Variants in GRIP1 observed in about 807,000 individuals in gnomAD.
GRIP1 encodes glutamate receptor interacting protein 1.
A neutral mutation model predicts 129.9 loss-of-function variants in GRIP1; 45 were observed. The ratio of observed to expected loss-of-function variants is 0.35; its 90% CI spans 0.27 to 0.44. The LOEUF is 0.44. GRIP1 is among the 20% of genes least tolerant of loss of function. GRIP1 has a pLI of 1.00. For missense variants in GRIP1, 1,196 were observed against 1,396.8 expected (o/e 0.86, Z 2.29); for synonymous variants, 530 against 520.8 (o/e 1.02, Z -0.24).
chr12:66,731,493 A>C (rs1432263116), intron 1 of GRIP1, among the ~76,000 whole-genome samples: 2 of 152,208 alleles, frequency 1.3e-5, no homozygotes, highest in Non-Finnish European at 2.9e-5. Flanking sequence ...TTGTCCAATG[A>C]GACCTGTTTA....
At chr12:67,035,733 T>C (rs1429752120) in intron 1 of GRIP1, 1 of 152,106 alleles carries the variant, frequency 6.6e-6, no homozygotes, top group Non-Finnish European at 1.5e-5. Context: ...CACTTGGAAA[T>C]TGGAAACTAA....
chr12:66,527,493 G>A (rs985985324), intron 5 of GRIP1, among the ~76,000 whole-genome samples: 1 of 151,838 alleles, frequency 6.6e-6, no homozygotes. Flanking sequence ...ATGGACACAG[G>A]AAGGGGAACA....
At chr12:67,010,217 T>G (rs75907573) in intron 1 of GRIP1, among the ~76,000 whole-genome samples, 4,936 of 152,140 alleles carry the variant, frequency 0.032, 96 homozygotes, top group Non-Finnish European at 0.047. Context: ...AGAAAAAAAT[T>G]TAAATGAATG....
In GRIP1 at chr12:66,372,918, G is replaced by C. The variant is rs557909586; in HGVS notation, c.2779-991C>G. ...CATTGGTAAATCTTCCTGATACCAT[G>C]GGGACAGAAAACAAGTTCCATTTGC... On this transcript the variant is annotated intron_variant, in intron 22 of 24. Transcript: ENST00000359742. Among the ~76,000 whole-genome samples, 4 of 152,218 alleles carry C rather than the reference G, an allele frequency of 2.6e-5. No individual in the cohort carries two copies. In the East Asian group the frequency reaches 5.8e-4, roughly 22 times the overall value.
chr12:66,617,133 G>A (rs532823430), intron 1 of GRIP1, among the ~76,000 whole-genome samples: 11 of 149,382 alleles, frequency 7.4e-5, no homozygotes, highest in Admixed American at 1.3e-4. Context: ...GTGTCTGCAC[G>A]TGTGTAGATG....
At chr12:66,737,820 A>T (rs1402939582) in intron 1 of GRIP1, among the ~76,000 whole-genome samples, 2 of 152,200 alleles carry the variant, frequency 1.3e-5, no homozygotes, top group Non-Finnish European at 2.9e-5. Context: ...CACAAGGAAT[A>T]AGGCAGACCG....
Position 66,371,783 on chromosome 12 carries a change from A to G in GRIP1, c.2923T>C (p.Ser975Pro). The G allele has an allele frequency of 6.2e-7, 1 of 1,614,030 alleles. No individual in the cohort carries two copies. Among genetic ancestry groups the G allele is most frequent in the Non-Finnish European group, 8.5e-7 (1 of 1,179,930 alleles). The change falls in exon 23 of 25, where the codon TCA becomes CCA. Residue 975 changes from serine (S) to proline (P), a missense_variant. Transcript: ENST00000359742. ...GTTACTGACTTCCTACCCACATCTG[A>G]AGGCAGGGTGTTGCTCCGAGTTGTT... ...SQTTRSNTLP[S>P]DVGRKSVTLR...
chr12:66,852,548 G>A (rs1041937212), intron 1 of GRIP1, among the ~76,000 whole-genome samples: 4 of 143,476 alleles, frequency 2.8e-5, no homozygotes, highest in African/African-American at 1.0e-4. Context: ...ATGTATATAT[G>A]TATATGTATA....
chr12:66,681,474 C>T (rs573366415), upstream of GRIP1, among the ~76,000 whole-genome samples: 13 of 152,086 alleles, frequency 8.5e-5, no homozygotes, highest in Non-Finnish European at 1.8e-4. Flanking sequence ...CCAAGGCAAC[C>T]GGTGGAATGT....
chr12:66,503,958 C>T (rs1391445472), intron 7 of GRIP1, among the ~76,000 whole-genome samples: 1 of 152,102 alleles, frequency 6.6e-6, no homozygotes, highest in Admixed American at 6.6e-5. Context: ...TGTCTTGGAG[C>T]TAGGCTGGCT....
intron 1 of GRIP1, among the ~76,000 whole-genome samples, chr12:67,066,445 T>C (rs969325553): frequency 2.0e-5 from 3 of 152,176 alleles, no homozygotes; most frequent in Admixed American, 6.5e-5. Flanking sequence ...GAAAAAAATG[T>C]TATGCTAGAG....
At chr12:66,371,997 A>G in intron 22 of GRIP1, 70 bp from the exon 23 acceptor site, 1 of 989,110 alleles carries the variant, frequency 1.0e-6, no homozygotes, top group African/African-American at 1.6e-5. Flanking sequence ...CTCAACAGTA[A>G]GCACATTTCT....
At chr12:66,353,103 G>A (rs1200327046) in intron 24 of GRIP1, among the ~76,000 whole-genome samples, 1 of 152,096 alleles carries the variant, frequency 6.6e-6, no homozygotes, top group Admixed American at 6.6e-5. Context: ...GGATAACTAC[G>A]TCATATTTAT....
chr12:66,871,695 G>A lies in GRIP1; in HGVS notation c.58+197355C>T, dbSNP rs1159115460. 2.6e-5 allele frequency among the ~76,000 whole-genome samples: 4 copies of A among 152,080 alleles called. No homozygotes were observed. In the East Asian group the frequency reaches 7.8e-4, roughly 30 times the overall value. ...TGCCTACTCCATGCTCAGCCTAAAGGGTAAAGACTGCAGAGTTAAGCTGAT... is the reference window on the plus strand; with the variant it reads ...TGCCTACTCCATGCTCAGCCTAAAGAGTAAAGACTGCAGAGTTAAGCTGAT... On this transcript the variant is annotated intron_variant, in intron 1 of 1. Transcript: ENST00000643019.
chr12:66,439,821 C>T, intron 13 of GRIP1, among the ~76,000 whole-genome samples: 1 of 152,180 alleles, frequency 6.6e-6, no homozygotes, highest in East Asian at 1.9e-4. Flanking sequence ...GTTGAACCTT[C>T]TCTGGAAACC....
chr12:66,605,050 C>G (rs55743225), intron 1 of GRIP1, among the ~76,000 whole-genome samples: 50,107 of 138,996 alleles, frequency 0.36, 8,685 homozygotes, highest in African/African-American at 0.42. Context: ...TCAGAAGTCA[C>G]TTATATATAT....
At chr12:67,052,650 C>T (rs1305127254) in intron 1 of GRIP1, among the ~76,000 whole-genome samples, 1 of 151,940 alleles carries the variant, frequency 6.6e-6, no homozygotes, top group Non-Finnish European at 1.5e-5. Context: ...GTCCCAGCTA[C>T]TCAGGATGCT....
In GRIP1 at chr12:66,862,751, T is replaced by C. The variant is rs2040134823; in HGVS notation, c.58+206299A>G. ...CAACCTCCGAGGGATGAATCCCATCTATAAATTTCCATGCCTAAGGGCCCT... is the reference window on the plus strand; with the variant it reads ...CAACCTCCGAGGGATGAATCCCATCCATAAATTTCCATGCCTAAGGGCCCT... On this transcript the variant is annotated intron_variant, in intron 1 of 1. Transcript: ENST00000643019. Among the ~76,000 whole-genome samples the C allele has an allele frequency of 3.3e-5, 5 of 152,204 alleles. No individual in the cohort carries two copies. The South Asian group carries it at 1.0e-3, about 32-fold the overall frequency.
At chr12:66,787,555 T>C (rs1327968056) in intron 1 of GRIP1, among the ~76,000 whole-genome samples, 1 of 152,086 alleles carries the variant, frequency 6.6e-6, no homozygotes, top group Non-Finnish European at 1.5e-5. Context: ...GGGAGGTGAT[T>C]AGATCATGAG....
Sources: allele counts gnomAD v4.1 joint callset (sites outside exome capture counted in the v4.1 genomes callset), GRCh38; gene constraint gnomAD v4.1.1; transcripts MANE v1.5; gene names NCBI Gene and HGNC (gene_info 2026-07-23, HGNC 2026-07-21).